ZBTB17: variants seen among roughly 807,000 people sequenced by gnomAD.
The protein encoded by ZBTB17 is zinc finger and BTB domain containing 17.
In ZBTB17, 24 loss-of-function variants were observed where a neutral mutation model predicts 85.1. That is an observed-to-expected ratio of 0.28 (90% CI 0.20 to 0.40). The LOEUF (loss-of-function observed/expected upper bound fraction) is 0.40. ZBTB17 is among the 10% of genes least tolerant of loss of function. The pLI, the probability that ZBTB17 is intolerant of heterozygous loss-of-function variation, is 1.00. For synonymous variants in ZBTB17, 464 were observed against 460.2 expected (o/e 1.01, Z -0.11); for missense variants, 743 against 1,105.1 (o/e 0.67, Z 4.65).
At chr1:15,965,545 T>G (rs1259615274) in intron 2 of ZBTB17, among the ~76,000 whole-genome samples, 1 of 152,236 alleles carries the variant, frequency 6.6e-6, no homozygotes, top group African/African-American at 2.4e-5. Flanking sequence ...ATTTGTTAAG[T>G]TGAAGACGCA....
At chr1:15,958,148 G>C (rs570211334) in intron 2 of ZBTB17, among the ~76,000 whole-genome samples, 2 of 152,312 alleles carry the variant, frequency 1.3e-5, no homozygotes, top group Non-Finnish European at 2.9e-5. Flanking sequence ...AGTGTGCAAT[G>C]AGACAACTAG....
At position 15,953,704 on chromosome 1, in the gene ZBTB17, G is replaced by A. The variant is rs1369136053; in HGVS notation, c.-2-5207C>T. On this transcript the variant is annotated intron_variant, in intron 2 of 15. Transcript: ENST00000375743. The surrounding 1 kb of genome is among the most constrained non-coding windows in gnomAD (Gnocchi z 5.1). ...CCCCATGGAAGCAGCAGAGCCTCCC[G>A]GGACAGGCCAAGCAGGACCTGGATC... 2.0e-5 allele frequency among the ~76,000 whole-genome samples: 3 copies of A among 152,266 alleles called. No homozygotes were observed. The highest frequency in any genetic ancestry group is 1.9e-4 in the East Asian group (1 of 5,180).
intron 9 of ZBTB17, 77 bp from the exon 10 acceptor site, chr1:15,943,972 G>A (rs779274700): frequency 7.2e-7 from 1 of 1,381,190 alleles, no homozygotes; most frequent in South Asian, 1.2e-5. Flanking sequence ...CTCCCACAAA[G>A]GAACAATTGA....
At chr1:15,957,141 T>TGCACTCCAGCCTGGGTGACAGTGAG (rs1209407778) in intron 2 of ZBTB17, among the ~76,000 whole-genome samples, 27 of 146,750 alleles carry the variant, frequency 1.8e-4, no homozygotes, top group African/African-American at 6.9e-4. Context: ...ATCGTGCCAC[T>TGCACTCCAGCCTGGGTGACAGTGAG]GCACTCCAGC....
intron 2 of ZBTB17, among the ~76,000 whole-genome samples, chr1:15,950,476 G>A (rs1422423353): frequency 6.6e-6 from 1 of 152,200 alleles, no homozygotes; most frequent in Non-Finnish European, 1.5e-5. Context: ...GTGTGTGGGT[G>A]GCAAGCCCTG....
At chr1:15,970,152 C>T in intron 2 of ZBTB17, 1 of 571,888 alleles carries the variant, frequency 1.7e-6, no homozygotes, top group Non-Finnish European at 3.2e-6. Flanking sequence ...TTATCAATTT[C>T]TTTACAATAG....
Position 15,943,837 on chromosome 1 carries a change from C to T in ZBTB17, c.1430G>A (p.Arg477Gln), listed in dbSNP as rs1199768789. 3 of 1,611,548 alleles carry T rather than the reference C, an allele frequency of 1.9e-6. No individual in the cohort carries two copies. The highest frequency in any genetic ancestry group is 1.3e-5 in the African/African-American group (1 of 74,870). ...GGTGGTGAACTGCTTCCCACACTCTCGGCACTTGAGGGGCCCGTCAGCGAT... is the reference window on the plus strand; with the variant it reads ...GGTGGTGAACTGCTTCCCACACTCTTGGCACTTGAGGGGCCCGTCAGCGAT... Reference protein sequence around the residue: ...IHIADGPLKCRECGKQFTTSG... With the variant: ...IHIADGPLKCQECGKQFTTSG... The change falls in exon 10 of 16, where the codon CGA (arginine) becomes CAA (glutamine). Residue 477 changes from arginine (R) to glutamine (Q), a missense_variant. Arg to Gln is a conservative substitution (Grantham distance 43, BLOSUM62 1). Around this residue, in one of 4 missense-constraint regions of ZBTB17, gnomAD observed 321 missense variants for 615.7 expected, o/e 0.52. Coordinates refer to ENST00000375743, the MANE Select transcript of ZBTB17 (RefSeq NM_003443.3).
rs2071819203 is a variant in ZBTB17, at chr1:15,951,132, A to G, written c.-2-2635T>C. ...TTTCCAATGCAAGATGCCCGCCCAG[A>G]AGTGGGCTCCTCCCACACACGGGTG... On this transcript the variant is annotated intron_variant, in intron 2 of 15. Transcript: ENST00000375743. The surrounding 1 kb of genome is among the most constrained non-coding windows in gnomAD (Gnocchi z 4.1). 6.6e-6 allele frequency among the ~76,000 whole-genome samples: 1 copy of G among 152,186 alleles called. No individual in the cohort carries two copies. Among genetic ancestry groups the G allele is most frequent in the African/African-American group, 2.4e-5 (1 of 41,448 alleles).
rs1209959182 is a variant in ZBTB17, at chr1:15,944,702, C to T, written c.1065G>A (p.Thr355=). ...DPAACKAHEK[T]HSPLKPYGCE... Reference sequence around the variant, plus strand: ...AGGCCGGCTTGGGGCAGTACCTGTGCGTCTTCTCATGGGCCTTGCACGCGG... The same window carrying T: ...AGGCCGGCTTGGGGCAGTACCTGTGTGTCTTCTCATGGGCCTTGCACGCGG... The change falls in exon 8 of 16, where the codon ACG becomes ACA. Residue 355 remains threonine, a synonymous_variant. Transcript: ENST00000375743. The T allele has an allele frequency of 6.2e-7, 1 of 1,607,798 alleles. No homozygotes were observed. The highest frequency in any genetic ancestry group is 1.7e-5 in the Admixed American group (1 of 60,016).
At chr1:15,946,326 C>T in intron 4 of ZBTB17, 32 bp from the exon 5 acceptor site, 1 of 1,592,716 alleles carries the variant, frequency 6.3e-7, no homozygotes. Flanking sequence ...CCTGCCGTTT[C>T]CCATCAAGTG....
At chr1:15,942,274 C>CA (rs747515077) in intron 15 of ZBTB17, 22 bp from the exon 16 acceptor site, 7 of 1,613,192 alleles carry the variant, frequency 4.3e-6, no homozygotes, top group Non-Finnish European at 5.9e-6. Flanking sequence ...GGGCAGCAGT[C>CA]AGAGTGGGAA....
chr1:15,947,430 A>G, intron 3 of ZBTB17: 1 of 372,686 alleles, frequency 2.7e-6, no homozygotes, highest in Non-Finnish European at 4.9e-6. Flanking sequence ...AGGGAACAGA[A>G]GGTGCAACTG....
chr1:15,945,681 C>T, intron 6 of ZBTB17, 34 bp downstream of exon 6: 1 of 1,603,550 alleles, frequency 6.2e-7, no homozygotes, highest in Non-Finnish European at 8.5e-7. Context: ...GAGGATGCAC[C>T]AGGTAGGGCC....
In ZBTB17 at chr1:15,944,026, G is replaced by C. The variant is rs1374365577; in HGVS notation, c.1372-131C>G. 5 of 1,003,618 alleles carry C rather than the reference G, an allele frequency of 5.0e-6. No individual in the cohort carries two copies. In the African/African-American group the frequency reaches 8.0e-5, roughly 16 times the overall value. The allele number at this position is 1,003,618 out of a possible 1,614,324, so 62.2% of individuals were successfully genotyped here. A position where few individuals can be genotyped will look rare whatever the true frequency, so the allele number is the denominator to read the frequency against. Reference sequence around the variant, plus strand: ...TCCGTGAAGGGCTCTATCTCTCCTGGGTCAGGAGAGGTCCCAGGTCCCAGC... The same window carrying C: ...TCCGTGAAGGGCTCTATCTCTCCTGCGTCAGGAGAGGTCCCAGGTCCCAGC... On this transcript the variant is annotated intron_variant, in intron 9 of 15. Transcript: ENST00000375743.
chr1:15,971,844 G>A (rs2072699572), intron 2 of ZBTB17, among the ~76,000 whole-genome samples: 1 of 151,376 alleles, frequency 6.6e-6, no homozygotes, highest in South Asian at 2.1e-4. Context: ...TGTCTGATGT[G>A]TCAGAAGACA....
intron 2 of ZBTB17, among the ~76,000 whole-genome samples, chr1:15,959,250 T>C (rs1381894438): frequency 1.3e-5 from 2 of 152,106 alleles, no homozygotes; most frequent in African/African-American, 4.8e-5. Flanking sequence ...TGTCCAAAAC[T>C]ATGAGCCCAG....
intron 2 of ZBTB17, among the ~76,000 whole-genome samples, chr1:15,960,105 A>G (rs2072203669): frequency 6.6e-6 from 1 of 152,228 alleles, no homozygotes; most frequent in Admixed American, 6.5e-5. Context: ...CCAGGGACAC[A>G]TGCACACGCA....
chr1:15,949,987 A>G lies in ZBTB17; in HGVS notation c.-2-1490T>C, dbSNP rs72893633. On this transcript the variant is annotated intron_variant, in intron 2 of 15. Transcript: ENST00000375743. The stretch of plus-strand genomic sequence containing the variant: ...GCGTTGCTGCTGCTGCCAGAGGCCC[A>G]GAAACAGCTGTTCCCTCCCCCTACA... 7.2e-3 allele frequency among the ~76,000 whole-genome samples: 1,098 copies of G among 152,294 alleles called. 24 individuals carry two copies. Among genetic ancestry groups the G allele is most frequent in the African/African-American group, 0.025 (1,041 of 41,552 alleles).
intron 1 of ZBTB17, among the ~76,000 whole-genome samples, chr1:15,974,041 A>G (rs1266079859): frequency 6.6e-6 from 1 of 152,032 alleles, no homozygotes; most frequent in Non-Finnish European, 1.5e-5. Context: ...AATTTAAAAA[A>G]TTAGCCAGGT....
Sources: gnomAD v4.1 joint callset for allele counts (sites outside exome capture counted in the v4.1 genomes callset) on GRCh38, gnomAD v4.1.1 for gene constraint, gnomAD v4.1.1 regional missense constraint, Gnocchi (gnomAD v3.1) non-coding constraint, MANE v1.5 for transcripts, NCBI Gene and HGNC (gene_info 2026-07-23, HGNC 2026-07-21) for gene names.